The following PKN2 variants were observed in gnomAD, a reference collection of about 807,000 sequenced individuals.
PKN2 encodes the protein protein kinase N2.
Under a neutral mutation model 119.1 loss-of-function variants are expected in PKN2, and 38 were observed. That is an observed-to-expected ratio of 0.32 (90% confidence interval 0.25 to 0.42). PKN2 has a LOEUF of 0.42. PKN2 is among the 10% of genes least tolerant of loss of function. The pLI, the probability that PKN2 is intolerant of heterozygous loss-of-function variation, is 1.00. For missense variants in PKN2, 850 were observed against 1,165.1 expected, an observed-to-expected ratio of 0.73 and a Z score of 3.94; for synonymous variants, 390 against 384.9, an observed-to-expected ratio of 1.01 and a Z score of -0.15.
chr1:88,700,698 G>A (rs1430164471), intron 1 of PKN2, among the ~76,000 whole-genome samples: 1 of 152,174 alleles, frequency 6.6e-6, no homozygotes, highest in African/African-American at 2.4e-5. Context: ...TCATTCTGAA[G>A]GCTTTCATGT....
At chr1:88,781,034 A>G (rs546884101) in intron 6 of PKN2, 2 of 989,238 alleles carry the variant, frequency 2.0e-6, no homozygotes, top group African/African-American at 3.5e-5. Context: ...TACAATTCTT[A>G]AGACATTTTT....
chr1:88,788,597 C>T (rs1214773934), intron 8 of PKN2, among the ~76,000 whole-genome samples: 4 of 152,038 alleles, frequency 2.6e-5, no homozygotes, highest in Non-Finnish European at 5.9e-5. Flanking sequence ...AGGCATGTAC[C>T]ACCACGCCTG....
chr1:88,691,291 C>T (rs536886600), intron 1 of PKN2, among the ~76,000 whole-genome samples: 1 of 152,076 alleles, frequency 6.6e-6, no homozygotes, highest in South Asian at 2.1e-4. Flanking sequence ...TTTTGAACTG[C>T]TGGACTCAAG....
chr1:88,722,420 C>T (rs961651139), intron 1 of PKN2, among the ~76,000 whole-genome samples: 11 of 151,984 alleles, frequency 7.2e-5, no homozygotes, highest in Non-Finnish European at 1.2e-4. Flanking sequence ...TTGCCTAAAA[C>T]GTTTTCTATA....
At chr1:88,824,911 G>C (rs537231424) in intron 18 of PKN2, among the ~76,000 whole-genome samples, 1 of 152,322 alleles carries the variant, frequency 6.6e-6, no homozygotes, top group South Asian at 2.1e-4. Flanking sequence ...TCGTGGCTTT[G>C]CCACTATTTG....
At chr1:88,713,100 G>T (rs1342338424) in intron 1 of PKN2, among the ~76,000 whole-genome samples, 1 of 152,166 alleles carries the variant, frequency 6.6e-6, no homozygotes, top group Admixed American at 6.5e-5. Flanking sequence ...CAAAGGAAGT[G>T]AACTCATCCT....
At chr1:88,735,040 A>G (rs984262331) in intron 1 of PKN2, among the ~76,000 whole-genome samples, 1 of 152,220 alleles carries the variant, frequency 6.6e-6, no homozygotes. Context: ...TATCACATTT[A>G]TAGTATTATA....
At chr1:88,807,174 A>T in intron 12 of PKN2, 139 bp from the exon 13 acceptor site, 1 of 669,770 alleles carries the variant, frequency 1.5e-6, no homozygotes, top group Non-Finnish European at 2.4e-6. Flanking sequence ...AAATTTTTTT[A>T]AAGAATGAGT....
intron 8 of PKN2, among the ~76,000 whole-genome samples, chr1:88,802,584 C>T (rs546737159): frequency 6.6e-6 from 1 of 152,280 alleles, no homozygotes; most frequent in Non-Finnish European, 1.5e-5. Flanking sequence ...CGTCAACGTC[C>T]CAAAGTGCTG....
intron 1 of PKN2, among the ~76,000 whole-genome samples, chr1:88,722,569 T>C (rs1310344912): frequency 6.6e-6 from 1 of 151,462 alleles, no homozygotes; most frequent in South Asian, 2.1e-4. Flanking sequence ...GAGCCAGGAG[T>C]TCAAGACCAG....
chr1:88,827,845 G>A (rs1052668231), intron 18 of PKN2, among the ~76,000 whole-genome samples: 8 of 151,864 alleles, frequency 5.3e-5, no homozygotes, highest in Middle Eastern at 3.4e-3. Context: ...TCAACCTCCC[G>A]AGTAGCTGAG....
chr1:88,733,966 C>G (rs1668240682), intron 1 of PKN2, among the ~76,000 whole-genome samples: 1 of 152,064 alleles, frequency 6.6e-6, no homozygotes, highest in African/African-American at 2.4e-5. Flanking sequence ...TCAAGACCAG[C>G]CTGGGCAATG....
intron 1 of PKN2, chr1:88,685,048 C>T (rs1666030256): frequency 5.9e-6 from 1 of 169,130 alleles, no homozygotes; most frequent in Admixed American, 6.4e-5. Flanking sequence ...CCTTAAACTC[C>T]TTTGAATGAC....
chr1:88,751,284 TACACACATACACTCTGGTATGTGTAG>T (rs1296722163), intron 2 of PKN2, among the ~76,000 whole-genome samples: 1 of 152,156 alleles, frequency 6.6e-6, no homozygotes, highest in African/African-American at 2.4e-5. Context: ...TGTTCATATA[TACACACATACACTCTGGTATGTGTAG>T]ACACACATAC....
intron 1 of PKN2, among the ~76,000 whole-genome samples, chr1:88,712,958 T>C (rs2100689164): frequency 6.6e-6 from 1 of 152,044 alleles, no homozygotes; most frequent in East Asian, 1.9e-4. Context: ...CAGTGTGTGA[T>C]GTTCCCCACC....
At chr1:88,699,298 A>G (rs1273879485) in intron 1 of PKN2, among the ~76,000 whole-genome samples, 1 of 152,044 alleles carries the variant, frequency 6.6e-6, no homozygotes, top group East Asian at 1.9e-4. Context: ...TATATATTTC[A>G]TTGTGCAGCC....
chr1:88,829,042 G>T, intron 19 of PKN2: 1 of 647,474 alleles, frequency 1.5e-6, no homozygotes, highest in Non-Finnish European at 3.0e-6. Flanking sequence ...CTGCATCCTT[G>T]CTTCACCGGG....
chr1:88,714,767 T>G (rs995139822), intron 1 of PKN2, among the ~76,000 whole-genome samples: 4 of 152,176 alleles, frequency 2.6e-5, no homozygotes, highest in Non-Finnish European at 2.9e-5. Flanking sequence ...CCTTTCTTTC[T>G]TTCTCCTGCC....
intron 3 of PKN2, among the ~76,000 whole-genome samples, chr1:88,765,022 A>G (rs553168256): frequency 4.5e-4 from 69 of 152,172 alleles, no homozygotes; most frequent in Middle Eastern, 3.4e-3. Flanking sequence ...TCCCAAATTC[A>G]AGCGATTCTT....
Sources: allele counts gnomAD v4.1 joint callset (sites outside exome capture counted in the v4.1 genomes callset), GRCh38; gene constraint gnomAD v4.1.1; transcripts MANE v1.5; gene names NCBI Gene and HGNC (gene_info 2026-07-23, HGNC 2026-07-21).